Variants in PCDH9 observed in about 807,000 individuals in gnomAD.
PCDH9 encodes protocadherin 9.
A neutral mutation model predicts 70.6 loss-of-function variants in PCDH9; 24 were observed. That is an observed-to-expected ratio of 0.34 (90% CI 0.25 to 0.48). The LOEUF (loss-of-function observed/expected upper bound fraction) is 0.48. Among genes scored for constraint, PCDH9 ranks in the 20% least tolerant of loss-of-function variants. The probability of loss-of-function intolerance (pLI) is 0.99; values close to 1 mark genes in which losing one functional copy is unlikely to be tolerated. For synonymous variants in PCDH9, 562 were observed against 558.5 expected (o/e 1.01, Z -0.09); for missense variants, 1,281 against 1,503.6 (o/e 0.85, Z 2.45).
intron 3 of PCDH9, among the ~76,000 whole-genome samples, chr13:66,658,079 G>A (rs2077957371): frequency 6.6e-6 from 1 of 152,160 alleles, no homozygotes; most frequent in Non-Finnish European, 1.5e-5. Context: ...TTATATGCAA[G>A]AACAATGCCA....
At chr13:66,753,253 A>G (rs377278828) in intron 3 of PCDH9, among the ~76,000 whole-genome samples, 1 of 152,178 alleles carries the variant, frequency 6.6e-6, no homozygotes, top group African/African-American at 2.4e-5. Flanking sequence ...TCTCAACATA[A>G]CACAACGTTA....
intron 4 of PCDH9, among the ~76,000 whole-genome samples, chr13:66,455,992 T>C (rs1388542164): frequency 2.6e-5 from 4 of 152,150 alleles, no homozygotes; most frequent in African/African-American, 9.6e-5. Flanking sequence ...CATGAATATA[T>C]ATTCATTTAT....
At chr13:66,847,414 G>C (rs76068686) in intron 3 of PCDH9, among the ~76,000 whole-genome samples, 2 of 152,120 alleles carry the variant, frequency 1.3e-5, no homozygotes, top group African/African-American at 2.4e-5. Context: ...AACTGCAGGG[G>C]TTTTTTCTCC....
At chr13:66,807,055 C>T (rs1325056004) in intron 3 of PCDH9, among the ~76,000 whole-genome samples, 2 of 152,186 alleles carry the variant, frequency 1.3e-5, no homozygotes, top group African/African-American at 4.8e-5. Flanking sequence ...CACTAACATT[C>T]TCAAAACTCA....
At chr13:66,672,443 A>C (rs1007769524) in intron 3 of PCDH9, among the ~76,000 whole-genome samples, 4 of 152,124 alleles carry the variant, frequency 2.6e-5, no homozygotes, top group African/African-American at 7.2e-5. Flanking sequence ...TATGGGGAAG[A>C]GCCCTCATGC....
chr13:66,417,077 G>A (rs1957474478), intron 4 of PCDH9, among the ~76,000 whole-genome samples: 1 of 152,134 alleles, frequency 6.6e-6, no homozygotes, highest in East Asian at 1.9e-4. Context: ...TGCAGAACAT[G>A]CAGGTTTGTT....
intron 2 of PCDH9, among the ~76,000 whole-genome samples, chr13:67,059,595 A>G (rs1164687009): frequency 5.3e-5 from 8 of 151,602 alleles, no homozygotes; most frequent in Non-Finnish European, 7.4e-5. Context: ...TTGGGAAGAG[A>G]GTCCAGGCAC....
intron 2 of PCDH9, among the ~76,000 whole-genome samples, chr13:67,081,567 T>G (rs1214590391): frequency 2.6e-5 from 4 of 152,204 alleles, no homozygotes; most frequent in African/African-American, 9.6e-5. Flanking sequence ...AAACTCCATC[T>G]CAAGAAAACA....
intron 3 of PCDH9, among the ~76,000 whole-genome samples, chr13:66,826,207 T>C (rs1199238543): frequency 1.3e-5 from 2 of 152,108 alleles, no homozygotes; most frequent in Non-Finnish European, 2.9e-5. Flanking sequence ...CACCTCAGAG[T>C]CATGGAATGG....
intron 4 of PCDH9, among the ~76,000 whole-genome samples, chr13:66,327,812 A>G (rs1955873836): frequency 6.6e-6 from 1 of 152,208 alleles, no homozygotes; most frequent in African/African-American, 2.4e-5. Context: ...ATCATTATAA[A>G]GTAAAATGAA....
intron 4 of PCDH9, among the ~76,000 whole-genome samples, chr13:66,627,991 A>G (rs2077520547): frequency 6.6e-6 from 1 of 152,210 alleles, no homozygotes; most frequent in African/African-American, 2.4e-5. Flanking sequence ...GCATACTTTA[A>G]AAGCTAGGAA....
intron 3 of PCDH9, among the ~76,000 whole-genome samples, chr13:66,736,677 G>C (rs1232770962): frequency 6.6e-6 from 1 of 152,170 alleles, no homozygotes; most frequent in East Asian, 1.9e-4. Flanking sequence ...ACTGGTCATT[G>C]CAACATTTTT....
intron 4 of PCDH9, among the ~76,000 whole-genome samples, chr13:66,398,896 T>C (rs1957145295): frequency 6.6e-6 from 1 of 152,168 alleles, no homozygotes; most frequent in Non-Finnish European, 1.5e-5. Context: ...TTGTTGATTA[T>C]GCTACCAAGG....
At chr13:66,822,370 C>A (rs1277535417) in intron 3 of PCDH9, among the ~76,000 whole-genome samples, 3 of 151,698 alleles carry the variant, frequency 2.0e-5, no homozygotes, top group Non-Finnish European at 4.4e-5. Context: ...AATATTGATA[C>A]CAAAGTATGA....
chr13:66,772,555 T>C (rs1364635675), intron 3 of PCDH9, among the ~76,000 whole-genome samples: 2 of 152,178 alleles, frequency 1.3e-5, no homozygotes. Flanking sequence ...AATCAAACAT[T>C]ATTTGTATTT....
At chr13:66,472,073 G>A (rs535975567) in intron 4 of PCDH9, among the ~76,000 whole-genome samples, 4 of 151,760 alleles carry the variant, frequency 2.6e-5, no homozygotes, top group East Asian at 3.9e-4. Context: ...TTAGCTGGGC[G>A]TGGTGGTGGG....
At chr13:66,946,560 A>G (rs1480677552) in intron 2 of PCDH9, among the ~76,000 whole-genome samples, 1 of 152,096 alleles carries the variant, frequency 6.6e-6, no homozygotes, top group African/African-American at 2.4e-5. Context: ...CTATGGTACT[A>G]AATATTTGGT....
At chr13:66,555,287 T>G (rs962018977) in intron 4 of PCDH9, among the ~76,000 whole-genome samples, 13 of 152,152 alleles carry the variant, frequency 8.5e-5, no homozygotes, top group African/African-American at 3.1e-4. Context: ...TTCTTTCAAG[T>G]GTTTTTTGTG....
chr13:67,050,558 G>C (rs1309595055), intron 2 of PCDH9, among the ~76,000 whole-genome samples: 2 of 152,152 alleles, frequency 1.3e-5, no homozygotes, highest in African/African-American at 4.8e-5. Context: ...GTTATCACAA[G>C]CTTACTCATC....
Sources: gnomAD v4.1 joint callset for allele counts (sites outside exome capture counted in the v4.1 genomes callset) on GRCh38, gnomAD v4.1.1 for gene constraint, MANE v1.5 for transcripts, NCBI Gene and HGNC (gene_info 2026-07-23, HGNC 2026-07-21) for gene names.